SV2C: variants seen among roughly 807,000 people sequenced by gnomAD.
SV2C encodes solute carrier family 22 member B3.
SV2C carries 49 observed loss-of-function variants against 79.7 expected under a neutral mutation model. The observed-to-expected ratio is 0.61, with a 90% CI of 0.49 to 0.78. The LOEUF (loss-of-function observed/expected upper bound fraction) is 0.78. Among genes scored for constraint, SV2C ranks in the 30% least tolerant of loss-of-function variants. The probability of loss-of-function intolerance (pLI) is 0.00; values close to 1 mark genes in which losing one functional copy is unlikely to be tolerated. For missense variants in SV2C, 833 were observed against 912.9 expected, an observed-to-expected ratio of 0.91 and a Z score of 1.13; for synonymous variants, 334 against 333.2, an observed-to-expected ratio of 1.00 and a Z score of -0.03.
intron 9 of SV2C, among the ~76,000 whole-genome samples, chr5:76,297,618 T>C (rs1279136129): frequency 6.6e-6 from 1 of 152,194 alleles, no homozygotes; most frequent in Non-Finnish European, 1.5e-5. Flanking sequence ...GTTTTTACTC[T>C]GGGTCCCTGG....
chr5:76,236,861 G>A (rs1745631473), intron 4 of SV2C, among the ~76,000 whole-genome samples: 1 of 152,118 alleles, frequency 6.6e-6, no homozygotes, highest in South Asian at 2.1e-4. Flanking sequence ...ATCCCCACAT[G>A]TCAAAGGCGG....
At chr5:76,180,941 A>G (rs79660558) in intron 2 of SV2C, among the ~76,000 whole-genome samples, 2,875 of 152,084 alleles carry the variant, frequency 0.019, 79 homozygotes, top group African/African-American at 0.061. Flanking sequence ...TCTTGGCCAT[A>G]TCCTTTGAGC....
rs530022846 is a variant in SV2C at position 76,331,174 on chromosome 5, T to G, written c.*5627T>G. The G allele has an allele frequency of 6.6e-6, 1 of 152,386 alleles. No homozygotes were observed. Among genetic ancestry groups the G allele is most frequent in the African/African-American group, 2.4e-5 (1 of 41,552 alleles). The allele number at this position is 152,386 out of a possible 1,614,324, so 9.4% of individuals were successfully genotyped here. ...CACCTGGCCTAAAGTCCCGCTTTCT[T>G]CTGAGGTGTTCTTTTCATGGTGTGA... is the stretch of plus-strand genomic sequence containing the variant. On this transcript the variant is annotated 3_prime_UTR_variant, in exon 13 of 13. Transcript: ENST00000502798.
chr5:75,998,364 G>A, the SV2C span, among the ~76,000 whole-genome samples: 3 of 151,978 alleles, frequency 2.0e-5, no homozygotes, highest in African/African-American at 4.8e-5. Context: ...AAAGTCCCAT[G>A]GGTAGTAGAG....
At chr5:76,279,389 C>T (rs573480257) in intron 4 of SV2C, among the ~76,000 whole-genome samples, 11 of 152,148 alleles carry the variant, frequency 7.2e-5, no homozygotes, top group African/African-American at 2.6e-4. Flanking sequence ...TGACTAATGA[C>T]CAAGATTTGG....
chr5:75,910,657 T>C, the SV2C span: 1 of 1,044,052 alleles, frequency 9.6e-7, no homozygotes, highest in South Asian at 1.2e-5. Context: ...CAGTGCAGAA[T>C]GCCAAGAAGA....
At chr5:76,207,711 T>G (rs1454069805) in intron 3 of SV2C, among the ~76,000 whole-genome samples, 3 of 152,150 alleles carry the variant, frequency 2.0e-5, no homozygotes, top group African/African-American at 7.2e-5. Flanking sequence ...TAAGGCTCAC[T>G]ACAGCCTCAA....
chr5:75,926,362 A>T, the SV2C span, among the ~76,000 whole-genome samples: 3 of 152,194 alleles, frequency 2.0e-5, no homozygotes, highest in African/African-American at 7.2e-5. Flanking sequence ...GACAGGAGGG[A>T]TTTGGGACAT....
chr5:76,335,414 C>CTTTTTTTTT (rs869230352), downstream of SV2C, among the ~76,000 whole-genome samples: 33 of 98,118 alleles, frequency 3.4e-4, no homozygotes, highest in African/African-American at 1.1e-3. Context: ...ACACATTTTC[C>CTTTTTTTTT]TTTTTTTTTT....
At chr5:76,111,663 C>A (rs576974380) in intron 1 of SV2C, among the ~76,000 whole-genome samples, 1 of 152,246 alleles carries the variant, frequency 6.6e-6, no homozygotes, top group African/African-American at 2.4e-5. Flanking sequence ...CTAATTTGCC[C>A]CCCCAGGATT....
the SV2C span, among the ~76,000 whole-genome samples, chr5:75,929,977 G>A: frequency 2.9e-3 from 442 of 152,192 alleles, 5 homozygotes; most frequent in African/African-American, 0.01. Context: ...AAAAATAAAT[G>A]TTTATGGAAA....
At chr5:75,851,013 C>T in the SV2C span, among the ~76,000 whole-genome samples, 1 of 152,126 alleles carries the variant, frequency 6.6e-6, no homozygotes, top group Non-Finnish European at 1.5e-5. Flanking sequence ...TTTGCTCTCC[C>T]CTACTCCCAC....
the SV2C span, among the ~76,000 whole-genome samples, chr5:76,072,992 T>C: frequency 6.6e-6 from 1 of 152,250 alleles, no homozygotes; most frequent in South Asian, 2.1e-4. Context: ...AGATTCTGGA[T>C]ATTAGTCCTT....
chr5:76,120,972 A>G lies in SV2C; in HGVS notation c.-101-10678A>G, dbSNP rs1350004352. ...ACTTCCACAATGGTTGAACTAGTTT[A>G]CAGTCCCACCAACAGTGTAAAAGTG... On this transcript the variant is annotated intron_variant, in intron 1 of 12. Coordinates refer to ENST00000502798, the MANE Select transcript of SV2C (RefSeq NM_014979.4). Among the ~76,000 whole-genome samples, 5 of 151,280 alleles carry G rather than the reference A, an allele frequency of 3.3e-5. No homozygotes were observed. The East Asian group carries it at 9.7e-4, about 29-fold the overall frequency.
the SV2C span, among the ~76,000 whole-genome samples, chr5:75,879,679 G>T: frequency 3.3e-5 from 5 of 152,186 alleles, no homozygotes; most frequent in African/African-American, 1.2e-4. Context: ...GGCTCAGGAT[G>T]CAAGCTGCCA....
chr5:75,859,956 G>T, the SV2C span, among the ~76,000 whole-genome samples: 2 of 152,102 alleles, frequency 1.3e-5, no homozygotes, highest in African/African-American at 4.8e-5. Flanking sequence ...CAATAAATTA[G>T]GTGGAGCCGA....
chr5:76,037,874 C>T, the SV2C span, among the ~76,000 whole-genome samples: 1 of 152,218 alleles, frequency 6.6e-6, no homozygotes, highest in Non-Finnish European at 1.5e-5. Context: ...GATCTGACTG[C>T]TGTGCTAGCA....
chr5:76,248,664 G>T (rs1448721095), intron 4 of SV2C, among the ~76,000 whole-genome samples: 1 of 151,554 alleles, frequency 6.6e-6, no homozygotes, highest in Non-Finnish European at 1.5e-5. Flanking sequence ...TGTCACCCAG[G>T]CTGGAGTGCA....
chr5:76,204,836 G>A (rs1744562081), intron 3 of SV2C, among the ~76,000 whole-genome samples: 1 of 152,222 alleles, frequency 6.6e-6, no homozygotes, highest in Non-Finnish European at 1.5e-5. Context: ...TGGGTTGCCA[G>A]CTGAACTGGA....
Sources: gnomAD v4.1 joint callset for allele counts (sites outside exome capture counted in the v4.1 genomes callset) on GRCh38, gnomAD v4.1.1 for gene constraint, MANE v1.5 for transcripts, NCBI Gene and HGNC (gene_info 2026-07-23, HGNC 2026-07-21) for gene names.